The following NEB variants were observed in gnomAD, a reference collection of about 807,000 sequenced individuals.
NEB encodes the protein nemaline myopathy type 2.
In NEB, 512 loss-of-function variants were observed where a neutral mutation model predicts 952.2. That is an observed-to-expected ratio of 0.54 (90% CI 0.50 to 0.58). The LOEUF is 0.58. Ranked by LOEUF, NEB falls within the 20% of genes least tolerant of loss-of-function variation. The probability of loss-of-function intolerance (pLI) is 0.00; values close to 1 mark genes in which losing one functional copy is unlikely to be tolerated. For missense variants in NEB, 8,428 were observed against 9,231.1 expected (o/e 0.91, Z 3.56); for synonymous variants, 2,900 against 3,149.8 (o/e 0.92, Z 2.66).
rs758600708 is a variant in NEB at position 151,562,164 on chromosome 2, A to G, written c.18942T>C (p.Val6314=). The part of the protein sequence containing the change: ...LNWLKGIGCY[V]WDTPQILHAK... Reference sequence around the variant, plus strand: ...CATGGAGGATTTGGGGTGTATCCCAAACGTAGCAACCAATGCCTTTCAACC... The same window carrying G: ...CATGGAGGATTTGGGGTGTATCCCAGACGTAGCAACCAATGCCTTTCAACC... The change falls in exon 121 of 182, where the codon GTT becomes GTC. Residue 6314 remains valine, a synonymous_variant. Coordinates refer to ENST00000397345, the MANE Select transcript of NEB (RefSeq NM_001164508.2). The G allele has an allele frequency of 1.6e-5, 26 of 1,613,510 alleles. No homozygotes were observed. The highest frequency in any genetic ancestry group is 2.7e-5 in the African/African-American group (2 of 74,888).
At chr2:151,546,557 CTTTTTTT>C in intron 133 of NEB, 114 bp from the exon 134 acceptor site, 1 of 352,026 alleles carries the variant, frequency 2.8e-6, no homozygotes, top group Non-Finnish European at 5.0e-6. Flanking sequence ...GGTTCATCTA[CTTTTTTT>C]TTTTTTTTTT....
rs745359696 is a variant in NEB, at chr2:151,496,242, C to CAGTA, written c.24486+30_24486+33dup. The CAGTA allele has an allele frequency of 3.5e-5, 53 of 1,515,006 alleles. No individual in the cohort carries two copies. The East Asian group carries it at 9.6e-4, about 27-fold the overall frequency. The allele number at this position is 1,515,006 out of a possible 1,614,324, so 93.8% of individuals were successfully genotyped here. A position where few individuals can be genotyped will look rare whatever the true frequency, so the allele number is the denominator to read the frequency against. On this transcript the variant is annotated intron_variant, in intron 173 of 181. Transcript: ENST00000397345. ...AAATCATAAAAGTAGTTTTTAAAAT[C>CAGTA]AGTAAGTAGTTTTTTTCTTTTCTCG...
At chr2:151,724,436 G>A in intron 7 of NEB, 72 bp from the exon 8 acceptor site, 2 of 1,175,972 alleles carry the variant, frequency 1.7e-6, no homozygotes, top group Non-Finnish European at 2.5e-6. Context: ...ACAACAAAGG[G>A]AGACTCATGA....
chr2:151,579,312 A>T lies in NEB; in HGVS notation c.16704+26T>A. On this transcript the variant is annotated intron_variant, in intron 105 of 181. Coordinates refer to ENST00000397345, the MANE Select transcript of NEB (RefSeq NM_001164508.2). ...GAGCCATCAGGCAAAGCAATGGGGG[A>T]CTTGTTTCCTGGGCGACACACTTAC... The T allele has an allele frequency of 1.4e-5, 16 of 1,119,862 alleles. 5 individuals are homozygous for T. Among genetic ancestry groups the T allele is most frequent in the Non-Finnish European group, 2.0e-5 (16 of 785,610 alleles). The allele number at this position is 1,119,862 out of a possible 1,614,324, so 69.4% of individuals were successfully genotyped here. A position where few individuals can be genotyped will look rare whatever the true frequency, so the allele number is the denominator to read the frequency against.
At chr2:151,727,134 A>T (rs987121387) in intron 5 of NEB, among the ~76,000 whole-genome samples, 1 of 152,098 alleles carries the variant, frequency 6.6e-6, no homozygotes, top group African/African-American at 2.4e-5. Flanking sequence ...CATTAGTTTT[A>T]AAATTCCCAG....
chr2:151,505,802 G>A (rs943588792), intron 164 of NEB: 2 of 561,530 alleles, frequency 3.6e-6, no homozygotes, highest in Non-Finnish European at 3.2e-6. Context: ...AGGGATGGGG[G>A]CCCCTATTTA....
chr2:151,508,214 A>G, intron 161 of NEB, 105 bp from the exon 162 acceptor site: 4 of 674,214 alleles, frequency 5.9e-6, no homozygotes, highest in African/African-American at 3.6e-5. Context: ...GCAGAGGGAA[A>G]GTCCTTTGTA....
chr2:151,521,250 CCTTTA>C (rs2081788077), intron 153 of NEB, among the ~76,000 whole-genome samples: 1 of 152,146 alleles, frequency 6.6e-6, no homozygotes, highest in Admixed American at 6.5e-5. Context: ...TGCTGAGACT[CCTTTA>C]CTTTGAATAA....
chr2:151,679,853 A>G, intron 31 of NEB, 25 bp from the exon 32 acceptor site: 1 of 1,610,466 alleles, frequency 6.2e-7, no homozygotes, highest in Non-Finnish European at 8.5e-7. Flanking sequence ...TCATTTAAGT[A>G]CAACTTAGAG....
Position 151,646,847 on chromosome 2 carries a change from G to A in NEB, c.7432-613C>T, listed in dbSNP as rs148550869. Among the ~76,000 whole-genome samples the A allele has an allele frequency of 7.2e-5, 11 of 152,212 alleles. No homozygotes were observed. The East Asian group carries it at 9.7e-4, about 13-fold the overall frequency. The stretch of plus-strand genomic sequence containing the variant: ...GTATTTTTAGTAGAAACAGGGTTTC[G>A]CTACGTTGTGCAGGCTGGCCTTGAA... On this transcript the variant is annotated intron_variant, in intron 54 of 181. Transcript: ENST00000397345.
intron 107 of NEB, among the ~76,000 whole-genome samples, chr2:151,572,538 GTATATA>G (rs771548121): frequency 2.9e-5 from 4 of 139,962 alleles, no homozygotes; most frequent in Non-Finnish European, 4.6e-5. Context: ...ATATATAAAA[GTATATA>G]TATATATACT....
chr2:151,640,765 C>T, intron 60 of NEB, 99 bp from the exon 61 acceptor site: 1 of 1,175,360 alleles, frequency 8.5e-7, no homozygotes, highest in South Asian at 1.7e-5. Context: ...AAAATTTTCC[C>T]TGAATATGTA....
At position 151,693,985 on chromosome 2, in the gene NEB, T is replaced by C. The variant is rs538652431; in HGVS notation, c.1896+338A>G. On this transcript the variant is annotated intron_variant, in intron 20 of 181. Coordinates refer to ENST00000397345, the MANE Select transcript of NEB (RefSeq NM_001164508.2). ...AAACTACCTTAATCAGTTCAGGGCA[T>C]TGGGTGAATATATACATGCACATGT... 2.8e-4 allele frequency among the ~76,000 whole-genome samples: 43 copies of C among 152,320 alleles called. 1 individual carries two copies. In the South Asian group the frequency reaches 8.9e-3, roughly 32 times the overall value.
chr2:151,657,866 AGAGAGT>A, intron 48 of NEB, 111 bp downstream of exon 48: 1 of 735,196 alleles, frequency 1.4e-6, no homozygotes, highest in African/African-American at 1.8e-5. Context: ...AAGCATTCAC[AGAGAGT>A]GAGACCCACT....
intron 150 of NEB, among the ~76,000 whole-genome samples, chr2:151,525,505 T>G (rs1331514749): frequency 6.6e-6 from 1 of 152,196 alleles, no homozygotes; most frequent in Admixed American, 6.5e-5. Context: ...TAAGCTCTTT[T>G]ATTTACTATT....
chr2:151,683,919 T>C (rs2099456610), intron 28 of NEB, among the ~76,000 whole-genome samples: 1 of 152,198 alleles, frequency 6.6e-6, no homozygotes, highest in African/African-American at 2.4e-5. Flanking sequence ...TGCTACAACA[T>C]GGGTGGACCT....
chr2:151,621,175 GT>G (rs2098408402), intron 71 of NEB, 149 bp from the exon 72 acceptor site: 7 of 607,382 alleles, frequency 1.2e-5, no homozygotes, highest in Non-Finnish European at 2.0e-5. Flanking sequence ...TTTACTTTCT[GT>G]TTATCCTTGG....
intron 125 of NEB, 92 bp downstream of exon 125, chr2:151,554,839 C>T: frequency 1.0e-6 from 1 of 962,666 alleles, no homozygotes. Context: ...GAAGTGCACT[C>T]TATGATGTTA....
At chr2:151,490,653 TCA>T (rs2055701170) in intron 179 of NEB, 135 bp from the exon 180 acceptor site, 19 of 1,043,010 alleles carry the variant, frequency 1.8e-5, no homozygotes, top group Non-Finnish European at 2.4e-5. Flanking sequence ...GGTCAAACCC[TCA>T]CAGTTATTCT....
Sources: allele counts gnomAD v4.1 joint callset (sites outside exome capture counted in the v4.1 genomes callset), GRCh38; gene constraint gnomAD v4.1.1; transcripts MANE v1.5; gene names NCBI Gene and HGNC (gene_info 2026-07-23, HGNC 2026-07-21).